Variants in AFF3 observed in about 807,000 individuals in gnomAD.
The protein encoded by AFF3 is AF4/FMR2 family member 3.
AFF3 carries 32 observed loss-of-function variants against 129.7 expected under a neutral mutation model. The ratio of observed to expected loss-of-function variants is 0.25; its 90% CI spans 0.19 to 0.33. The LOEUF (loss-of-function observed/expected upper bound fraction) is 0.33, where lower values mean the gene tolerates loss of function less well. Among genes scored for constraint, AFF3 ranks in the 10% least tolerant of loss-of-function variants. AFF3 has a pLI of 1.00. For missense variants in AFF3, 1,373 were observed against 1,592.0 expected (o/e 0.86, Z 2.34); for synonymous variants, 644 against 635.4 (o/e 1.01, Z -0.20).
intron 4 of AFF3, among the ~76,000 whole-genome samples, chr2:100,066,880 C>T (rs934282381): frequency 1.3e-5 from 2 of 152,136 alleles, no homozygotes; most frequent in Non-Finnish European, 2.9e-5. Context: ...CCACGCAGCC[C>T]CTCCGCAAGG....
intron 8 of AFF3, among the ~76,000 whole-genome samples, chr2:99,818,798 T>C (rs948281012): frequency 9.2e-5 from 14 of 152,200 alleles, no homozygotes; most frequent in Admixed American, 6.5e-4. Context: ...AAATATAGTA[T>C]ACTAGAACAT....
chr2:100,068,136 G>A (rs76990101), intron 4 of AFF3, among the ~76,000 whole-genome samples: 3,491 of 152,270 alleles, frequency 0.023, 127 homozygotes, highest in East Asian at 0.12. Context: ...ACGCCAGCTC[G>A]CTTCGGCACA....
At chr2:100,104,185 G>C (rs1162250806) in intron 4 of AFF3, among the ~76,000 whole-genome samples, 1 of 152,018 alleles carries the variant, frequency 6.6e-6, no homozygotes, top group Admixed American at 6.5e-5. Context: ...GGGCCGCCGC[G>C]AGGGAGGGGA....
intron 13 of AFF3, among the ~76,000 whole-genome samples, chr2:99,611,319 T>G (rs1645866621): frequency 6.6e-6 from 1 of 152,184 alleles, no homozygotes; most frequent in South Asian, 2.1e-4. Flanking sequence ...GTGGATTGTC[T>G]TTTCTCATTC....
intron 8 of AFF3, among the ~76,000 whole-genome samples, chr2:99,826,955 C>T (rs1343530473): frequency 6.6e-6 from 1 of 151,830 alleles, no homozygotes; most frequent in East Asian, 1.9e-4. Flanking sequence ...AGTGGACCCA[C>T]CGGAGGGAGA....
intron 7 of AFF3, among the ~76,000 whole-genome samples, chr2:99,902,539 T>C (rs984126831): frequency 5.3e-5 from 8 of 152,160 alleles, no homozygotes; most frequent in African/African-American, 1.4e-4. Context: ...TTTTACATGA[T>C]AGGCATTCTT....
chr2:99,824,120 CT>C (rs372435426), intron 8 of AFF3, among the ~76,000 whole-genome samples: 190 of 145,066 alleles, frequency 1.3e-3, no homozygotes, highest in Middle Eastern at 7.4e-3. Context: ...ATATAAAATC[CT>C]TTTTTTTTTT....
intron 4 of AFF3, among the ~76,000 whole-genome samples, chr2:100,075,460 C>G (rs899143011): frequency 6.6e-6 from 1 of 152,124 alleles, no homozygotes; most frequent in Admixed American, 6.5e-5. Flanking sequence ...AGGCTGTGTG[C>G]TTCTCTTTCT....
intron 4 of AFF3, among the ~76,000 whole-genome samples, chr2:100,034,291 T>A (rs994513429): frequency 2.2e-4 from 33 of 152,160 alleles, no homozygotes; most frequent in African/African-American, 7.5e-4. Flanking sequence ...CTGAATCATA[T>A]AGGATGAAAT....
intron 7 of AFF3, among the ~76,000 whole-genome samples, chr2:99,872,524 C>A (rs1691948420): frequency 6.6e-6 from 1 of 151,440 alleles, no homozygotes; most frequent in Admixed American, 6.6e-5. Context: ...TTAAAAATAT[C>A]CTTCAGAAAA....
chr2:99,575,244 A>G (rs903101264), intron 18 of AFF3, among the ~76,000 whole-genome samples: 1 of 151,952 alleles, frequency 6.6e-6, no homozygotes, highest in African/African-American at 2.4e-5. Context: ...GCTTAAAGGA[A>G]GAGACGATGC....
intron 4 of AFF3, among the ~76,000 whole-genome samples, chr2:100,031,592 C>T (rs1684499000): frequency 6.6e-6 from 1 of 152,114 alleles, no homozygotes. Context: ...GATTCTAGGA[C>T]TGGGGCAAAA....
intron 4 of AFF3, among the ~76,000 whole-genome samples, chr2:100,030,029 T>C (rs888870059): frequency 2.6e-5 from 4 of 151,894 alleles, no homozygotes; most frequent in African/African-American, 9.7e-5. Flanking sequence ...ATCATGCCAC[T>C]GCACGCCATC....
chr2:99,833,599 T>C (rs1688659679), intron 8 of AFF3, among the ~76,000 whole-genome samples: 1 of 152,184 alleles, frequency 6.6e-6, no homozygotes, highest in Non-Finnish European at 1.5e-5. Flanking sequence ...AAATGCCATG[T>C]AAAGCTGTCT....
intron 7 of AFF3, among the ~76,000 whole-genome samples, chr2:100,002,563 T>C (rs544069437): frequency 3.0e-4 from 45 of 152,348 alleles, no homozygotes; most frequent in African/African-American, 1.0e-3. Context: ...ATAGATGAAT[T>C]ATCAACCACT....
intron 11 of AFF3, among the ~76,000 whole-genome samples, chr2:99,697,353 A>C (rs2104738543): frequency 6.6e-6 from 1 of 152,232 alleles, no homozygotes; most frequent in African/African-American, 2.4e-5. Flanking sequence ...GGTGTGGGAG[A>C]TTGGGAGGGT....
At chr2:99,690,978 T>C (rs1405775315) in intron 11 of AFF3, among the ~76,000 whole-genome samples, 1 of 151,934 alleles carries the variant, frequency 6.6e-6, no homozygotes, top group African/African-American at 2.4e-5. Flanking sequence ...GTCCAGGCTG[T>C]GACAAAGGGA....
At chr2:100,014,475 G>A (rs1203921623) in intron 4 of AFF3, among the ~76,000 whole-genome samples, 1 of 152,134 alleles carries the variant, frequency 6.6e-6, no homozygotes, top group African/African-American at 2.4e-5. Flanking sequence ...GGTCGTGATT[G>A]AGCCATCCTG....
At chr2:99,931,011 G>A (rs1007571091) in intron 7 of AFF3, among the ~76,000 whole-genome samples, 27 of 152,152 alleles carry the variant, frequency 1.8e-4, no homozygotes, top group Non-Finnish European at 1.6e-4. Flanking sequence ...GTTCAGAATT[G>A]AAATTTACAG....
Sources: allele counts gnomAD v4.1 joint callset (sites outside exome capture counted in the v4.1 genomes callset), GRCh38; gene constraint gnomAD v4.1.1; transcripts MANE v1.5; gene names NCBI Gene and HGNC (gene_info 2026-07-23, HGNC 2026-07-21).